PEBP4: variants seen among roughly 807,000 people sequenced by gnomAD.
PEBP4 encodes the protein phosphatidylethanolamine binding protein 4.
A neutral mutation model predicts 23.9 loss-of-function variants in PEBP4; 22 were observed. The observed-to-expected ratio is 0.92, with a 90% CI of 0.66 to 1.31. The LOEUF is 1.31. PEBP4 is among the 40% of genes most tolerant of loss of function. The pLI is 0.00. For missense variants in PEBP4, 324 were observed against 281.7 expected (o/e 1.15, Z -1.07); for synonymous variants, 112 against 99.3 (o/e 1.13, Z -0.76).
chr8:22,836,306 C>A (rs1807203357), intron 3 of PEBP4, among the ~76,000 whole-genome samples: 1 of 152,228 alleles, frequency 6.6e-6, no homozygotes, highest in African/African-American at 2.4e-5. Context: ...AATCATATCG[C>A]TTGTCTCCAA....
chr8:22,746,593 C>G (rs926154157), intron 4 of PEBP4, among the ~76,000 whole-genome samples: 4 of 151,952 alleles, frequency 2.6e-5, no homozygotes, highest in African/African-American at 9.7e-5. Flanking sequence ...CTCCCCCTCC[C>G]CTCCTTTGTT....
At chr8:22,899,954 T>C (rs1189759731) in intron 3 of PEBP4, among the ~76,000 whole-genome samples, 1 of 152,070 alleles carries the variant, frequency 6.6e-6, no homozygotes, top group Non-Finnish European at 1.5e-5. Flanking sequence ...GGGAGGAGCA[T>C]AGCACAAAGA....
intron 3 of PEBP4, chr8:22,896,311 C>G (rs1485595734): frequency 2.0e-5 from 3 of 152,228 alleles, no homozygotes; most frequent in Non-Finnish European, 4.4e-5. Flanking sequence ...GCTGACCTAT[C>G]AATTCTTACT....
chr8:22,938,660 G>C (rs533572716), intron 1 of PEBP4, among the ~76,000 whole-genome samples: 1 of 152,268 alleles, frequency 6.6e-6, no homozygotes, highest in Non-Finnish European at 1.5e-5. Flanking sequence ...GAGAAAATCA[G>C]AGAGGGAGGG....
chr8:22,842,095 G>A (rs993565271), intron 3 of PEBP4, among the ~76,000 whole-genome samples: 27 of 152,328 alleles, frequency 1.8e-4, no homozygotes, highest in South Asian at 1.5e-3. Flanking sequence ...CAGAACTAGA[G>A]CAAACTCTTG....
intron 3 of PEBP4, among the ~76,000 whole-genome samples, chr8:22,831,732 TGCTACC>T (rs1416600453): frequency 1.3e-5 from 2 of 152,138 alleles, no homozygotes; most frequent in African/African-American, 4.8e-5. Context: ...CAGCAGAGGA[TGCTACC>T]GCTGAGCTGG....
Position 22,935,222 on chromosome 8 carries a change from T to C in PEBP4, c.145-7502A>G, listed in dbSNP as rs558775022. Among the ~76,000 whole-genome samples, 12 of 152,264 alleles carry C rather than the reference T, an allele frequency of 7.9e-5. No homozygotes were observed. The South Asian group carries it at 1.9e-3, about 24-fold the overall frequency. ...TAGAACAACTAGGCAGAAGACCAAT[T>C]AAAGAAATGGGAGACTGGCTGGGCA... On this transcript the variant is annotated intron_variant, in intron 1 of 1. Transcript: ENST00000522278.
At chr8:22,824,765 C>T (rs564307110) in intron 3 of PEBP4, among the ~76,000 whole-genome samples, 1 of 152,136 alleles carries the variant, frequency 6.6e-6, no homozygotes, top group African/African-American at 2.4e-5. Flanking sequence ...AGGGTTTGTG[C>T]TCCTATGAGA....
At chr8:22,938,862 T>C (rs1809573711) in intron 1 of PEBP4, among the ~76,000 whole-genome samples, 1 of 152,216 alleles carries the variant, frequency 6.6e-6, no homozygotes, top group Admixed American at 6.5e-5. Context: ...ACTATGAACA[T>C]AGCAGATGCT....
chr8:22,874,416 CTCAGT>C (rs879658467), intron 3 of PEBP4, among the ~76,000 whole-genome samples: 7 of 152,190 alleles, frequency 4.6e-5, no homozygotes, highest in Non-Finnish European at 8.8e-5. Flanking sequence ...ATGAATGTTT[CTCAGT>C]TCAGTTAACT....
intron 4 of PEBP4, among the ~76,000 whole-genome samples, chr8:22,777,882 C>A (rs1213294563): frequency 6.6e-6 from 1 of 152,146 alleles, no homozygotes; most frequent in African/African-American, 2.4e-5. Context: ...CTTCCCCGCG[C>A]CCTCAATGAG....
chr8:22,837,890 C>CT (rs746772591), intron 3 of PEBP4, among the ~76,000 whole-genome samples: 928 of 64,580 alleles, frequency 0.014, 116 homozygotes, highest in African/African-American at 0.021. Context: ...TTATTATATT[C>CT]TTTTTTTTTT....
At chr8:22,908,592 T>C (rs928134256) in intron 3 of PEBP4, among the ~76,000 whole-genome samples, 1 of 152,140 alleles carries the variant, frequency 6.6e-6, no homozygotes, top group Admixed American at 6.5e-5. Context: ...GCAACAGCGC[T>C]AGGATTTAAA....
intron 4 of PEBP4, among the ~76,000 whole-genome samples, chr8:22,766,010 T>C (rs1481682353): frequency 6.6e-6 from 1 of 152,230 alleles, no homozygotes; most frequent in Non-Finnish European, 1.5e-5. Context: ...ATCTGGGCAG[T>C]GAGGATGCTA....
chr8:22,843,574 C>T (rs556209489), intron 3 of PEBP4, among the ~76,000 whole-genome samples: 2 of 152,292 alleles, frequency 1.3e-5, no homozygotes, highest in Non-Finnish European at 2.9e-5. Flanking sequence ...CAACCACCTG[C>T]TGCATGGCCA....
At chr8:22,750,380 G>A (rs1203767845) in intron 4 of PEBP4, among the ~76,000 whole-genome samples, 1 of 152,224 alleles carries the variant, frequency 6.6e-6, no homozygotes, top group Admixed American at 6.5e-5. Context: ...GATTACAGGC[G>A]TGAGCCACCG....
chr8:22,829,755 TC>T (rs752804326), intron 3 of PEBP4, among the ~76,000 whole-genome samples: 1 of 152,148 alleles, frequency 6.6e-6, no homozygotes, highest in Admixed American at 6.5e-5. Context: ...AAAGACACCT[TC>T]CTTGGCCCCA....
rs774276361 is a variant in PEBP4, at chr8:22,713,363, C to T, written c.*7G>A. 11 of 1,571,192 alleles carry T rather than the reference C, an allele frequency of 7.0e-6. No individual in the cohort carries two copies. Among genetic ancestry groups the T allele is most frequent in the East Asian group, 4.5e-5 (2 of 44,440 alleles). On this transcript the variant is annotated 3_prime_UTR_variant, in exon 7 of 7. Transcript: ENST00000256404. ...TGGCCACATGCCCGGATGGCAAAGCCGGCTATCTAGCAGGCAGCTATCTCC... is the reference window on the plus strand; with the variant it reads ...TGGCCACATGCCCGGATGGCAAAGCTGGCTATCTAGCAGGCAGCTATCTCC...
At chr8:22,850,748 T>G (rs1807534310) in intron 3 of PEBP4, among the ~76,000 whole-genome samples, 1 of 152,188 alleles carries the variant, frequency 6.6e-6, no homozygotes, top group Admixed American at 6.5e-5. Flanking sequence ...GAGCTATGTC[T>G]AGGCGCATAC....
Sources: gnomAD v4.1 joint callset for allele counts (sites outside exome capture counted in the v4.1 genomes callset) on GRCh38, gnomAD v4.1.1 for gene constraint, MANE v1.5 for transcripts, NCBI Gene and HGNC (gene_info 2026-07-23, HGNC 2026-07-21) for gene names.